The following PRKCI variants were observed in gnomAD, a reference collection of about 807,000 sequenced individuals.
PRKCI encodes the protein protein kinase C iota type.
PRKCI carries 43 observed loss-of-function variants against 84.0 expected under a neutral mutation model. The ratio of observed to expected loss-of-function variants is 0.51; its 90% CI spans 0.40 to 0.66. The LOEUF is 0.66. Ranked by LOEUF, PRKCI falls within the 30% of genes least tolerant of loss-of-function variation. The pLI, the probability that PRKCI is intolerant of heterozygous loss-of-function variation, is 0.00. For missense variants in PRKCI, 459 were observed against 745.6 expected (o/e 0.62, Z 4.48); for synonymous variants, 216 against 234.4 (o/e 0.92, Z 0.72).
intron 1 of PRKCI, among the ~76,000 whole-genome samples, chr3:170,234,189 A>G (rs1732882704): frequency 1.3e-5 from 2 of 151,604 alleles, no homozygotes; most frequent in Non-Finnish European, 2.9e-5. Flanking sequence ...GTGCCACCAC[A>G]CCCAGCAAAT....
rs1341439846 is a variant in PRKCI at position 170,269,429 on chromosome 3, C to A, written c.451-992C>A. Among the ~76,000 whole-genome samples the A allele has an allele frequency of 2.0e-5, 3 of 151,880 alleles. No individual in the cohort carries two copies. The South Asian group carries it at 6.2e-4, about 32-fold the overall frequency. ...GTAATCCCAGCAGTTTGGGAGGCTG[C>A]GAAGGGGGAACACTGAAGCCCAGGA... On this transcript the variant is annotated intron_variant, in intron 5 of 17. Transcript: ENST00000295797.
In PRKCI at chr3:170,273,347, G is replaced by A; in HGVS notation, c.646+7G>A. 6.2e-7 allele frequency: 1 copy of A among 1,612,816 alleles called. No homozygotes were observed. On this transcript the variant is annotated splice_region_variant and intron_variant, in intron 7 of 17. Transcript: ENST00000295797. ...TCTGACCATGCACAGACAGGTAAGAGTGGTGCTGGCACAACCCATTGTTCA... is the reference window on the plus strand; with the variant it reads ...TCTGACCATGCACAGACAGGTAAGAATGGTGCTGGCACAACCCATTGTTCA...
chr3:170,228,489 C>T (rs1473474168), intron 1 of PRKCI, among the ~76,000 whole-genome samples: 1 of 151,908 alleles, frequency 6.6e-6, no homozygotes, highest in Non-Finnish European at 1.5e-5. Flanking sequence ...GTGGGAGAAT[C>T]ACCTGAGGCC....
chr3:170,280,464 T>G lies in PRKCI; in HGVS notation c.882+61T>G, dbSNP rs1221249710. ...TGAGAATACTATTCTTTTTTTTTTT[T>G]GAAACGGAGTTTCGCTCTTGTCACC... On this transcript the variant is annotated intron_variant, in intron 9 of 17. Coordinates refer to ENST00000295797, the MANE Select transcript of PRKCI (RefSeq NM_002740.6). 7.0e-6 allele frequency: 10 copies of G among 1,420,718 alleles called. No individual in the cohort carries two copies. In the East Asian group the frequency reaches 1.4e-4, roughly 21 times the overall value. The allele number at this position is 1,420,718 out of a possible 1,614,324, so 88.0% of individuals were successfully genotyped here. A position where few individuals can be genotyped will look rare whatever the true frequency, so the allele number is the denominator to read the frequency against.
At chr3:170,250,011 C>G (rs995926283) in intron 2 of PRKCI, among the ~76,000 whole-genome samples, 2 of 152,084 alleles carry the variant, frequency 1.3e-5, no homozygotes, top group Non-Finnish European at 2.9e-5. Flanking sequence ...CATGGTGGCT[C>G]ACACCCATAA....
chr3:170,296,006 A>G lies in PRKCI; in HGVS notation c.1497+16A>G. ...TCTTAATAAGGTATAAATTGTGTAT[A>G]AGAATATTTTGTGATTTGTCTCTTT... is the stretch of plus-strand genomic sequence containing the variant. On this transcript the variant is annotated intron_variant, in intron 15 of 17. Coordinates refer to ENST00000295797, the MANE Select transcript of PRKCI (RefSeq NM_002740.6). 2 of 1,418,310 alleles carry G rather than the reference A, an allele frequency of 1.4e-6. No homozygotes were observed. Among genetic ancestry groups the G allele is most frequent in the East Asian group, 2.4e-5 (1 of 41,788 alleles). 87.9% of individuals were successfully genotyped at this position (1,418,310 alleles called of 1,614,324 possible).
In PRKCI at chr3:170,304,360, G is replaced by T. The variant is rs1560189457; in HGVS notation, c.*1233G>T. ...GGCACTCATTATTGTTACCAAACTT[G>T]TAAAAGCATTCCATGTATTCAGTGG... On this transcript the variant is annotated 3_prime_UTR_variant, in exon 18 of 18. Coordinates refer to ENST00000295797, the MANE Select transcript of PRKCI (RefSeq NM_002740.6). 6.6e-6 allele frequency: 1 copy of T among 152,190 alleles called. No individual in the cohort carries two copies. 9.4% of individuals were successfully genotyped at this position (152,190 alleles called of 1,614,324 possible).
At chr3:170,278,164 CTTATTA>C (rs1266172352) in intron 8 of PRKCI, among the ~76,000 whole-genome samples, 1 of 152,160 alleles carries the variant, frequency 6.6e-6, no homozygotes, top group Non-Finnish European at 1.5e-5. Context: ...TTCATTCAGC[CTTATTA>C]TTGTGTCGGT....
chr3:170,239,580 C>A (rs1472085183), intron 2 of PRKCI, among the ~76,000 whole-genome samples: 1 of 152,022 alleles, frequency 6.6e-6, no homozygotes, highest in African/African-American at 2.4e-5. Context: ...TTTTATAATA[C>A]CTTTGTATTA....
rs910578488 is a variant in PRKCI at position 170,254,262 on chromosome 3, G to A, written c.224-5707G>A. 1.7e-4 allele frequency among the ~76,000 whole-genome samples: 26 copies of A among 151,892 alleles called. 1 individual carries two copies. Among genetic ancestry groups the A allele is most frequent in the Non-Finnish European group, 3.5e-4 (24 of 68,006 alleles). On this transcript the variant is annotated intron_variant, in intron 2 of 17. Coordinates refer to ENST00000295797, the MANE Select transcript of PRKCI (RefSeq NM_002740.6). Reference sequence around the variant, plus strand: ...AATATTTTCTCCCATTCTGTGGGTTGTCTCTTCATTTTTTTGATTGCTTTG... The same window carrying A: ...AATATTTTCTCCCATTCTGTGGGTTATCTCTTCATTTTTTTGATTGCTTTG...
At chr3:170,255,212 C>T (rs904310135) in intron 2 of PRKCI, among the ~76,000 whole-genome samples, 1 of 151,926 alleles carries the variant, frequency 6.6e-6, no homozygotes, top group African/African-American at 2.4e-5. Context: ...AGGGATGCAC[C>T]ACCATGCCTG....
intron 6 of PRKCI, among the ~76,000 whole-genome samples, chr3:170,271,348 A>G (rs1435468006): frequency 6.6e-6 from 1 of 152,212 alleles, no homozygotes; most frequent in Non-Finnish European, 1.5e-5. Flanking sequence ...ATTTTCAAAC[A>G]AATCTCAGAC....
chr3:170,266,528 A>C (rs1035732892), intron 4 of PRKCI, among the ~76,000 whole-genome samples: 3 of 152,024 alleles, frequency 2.0e-5, no homozygotes. Flanking sequence ...ATATAATATG[A>C]AACAACTAAC....
chr3:170,286,811 C>CTT (rs74869773), intron 12 of PRKCI, among the ~76,000 whole-genome samples: 12 of 139,952 alleles, frequency 8.6e-5, no homozygotes, highest in African/African-American at 1.8e-4. Flanking sequence ...TTTTTACTTT[C>CTT]TTTTTTTTTT....
At chr3:170,302,789 T>A (rs1022097260) in intron 17 of PRKCI, among the ~76,000 whole-genome samples, 1 of 151,510 alleles carries the variant, frequency 6.6e-6, no homozygotes, top group Admixed American at 6.6e-5. Context: ...AACTGGTGTC[T>A]TTTTTATTCG....
At chr3:170,237,960 A>T (rs1733022697) in intron 2 of PRKCI, among the ~76,000 whole-genome samples, 1 of 152,140 alleles carries the variant, frequency 6.6e-6, no homozygotes, top group Non-Finnish European at 1.5e-5. Context: ...CTTTATTAAC[A>T]GTTTTATTAA....
At chr3:170,236,633 G>A (rs1732982923) in intron 2 of PRKCI, among the ~76,000 whole-genome samples, 1 of 152,124 alleles carries the variant, frequency 6.6e-6, no homozygotes, top group African/African-American at 2.4e-5. Context: ...AGTCTGAGGT[G>A]GGAGGATTGC....
chr3:170,238,594 C>CTT (rs1231292323), intron 2 of PRKCI, among the ~76,000 whole-genome samples: 1,422 of 125,090 alleles, frequency 0.011, 36 homozygotes, highest in African/African-American at 0.039. Context: ...CATTTCTTTT[C>CTT]TTTTTTTTTT....
At chr3:170,264,823 TTTAAAA>T (rs1327642120) in intron 4 of PRKCI, among the ~76,000 whole-genome samples, 1 of 152,122 alleles carries the variant, frequency 6.6e-6, no homozygotes, top group East Asian at 1.9e-4. Flanking sequence ...ATCTTTGTAT[TTTAAAA>T]TGGACTCTCA....
Sources: allele counts gnomAD v4.1 joint callset (sites outside exome capture counted in the v4.1 genomes callset), GRCh38; gene constraint gnomAD v4.1.1; transcripts MANE v1.5; gene names NCBI Gene and HGNC (gene_info 2026-07-23, HGNC 2026-07-21).